The following NID2 variants were observed in gnomAD, a reference collection of about 807,000 sequenced individuals.
NID2 encodes nidogen 2.
In NID2, 83 loss-of-function variants were observed where a neutral mutation model predicts 145.4. The observed-to-expected ratio is 0.57, with a 90% CI of 0.48 to 0.69. NID2 has a LOEUF of 0.69. NID2 is among the 30% of genes least tolerant of loss of function. The pLI is 0.00. For missense variants in NID2, 1,807 were observed against 1,765.7 expected (o/e 1.02, Z -0.42); for synonymous variants, 739 against 701.3 (o/e 1.05, Z -0.85).
chr14:52,012,292 G>A (rs1180632675), intron 16 of NID2, among the ~76,000 whole-genome samples: 1 of 152,186 alleles, frequency 6.6e-6, no homozygotes, highest in African/African-American at 2.4e-5. Flanking sequence ...GAGGCAAGAT[G>A]TTGGTTATAT....
chr14:52,044,527 C>T (rs1031877332), intron 5 of NID2, among the ~76,000 whole-genome samples: 7 of 152,086 alleles, frequency 4.6e-5, no homozygotes, highest in Non-Finnish European at 1.0e-4. Context: ...GCCTCGGCCT[C>T]CCAAAGTGCT....
chr14:52,017,524 C>G (rs932632933), intron 14 of NID2, among the ~76,000 whole-genome samples: 18 of 151,850 alleles, frequency 1.2e-4, no homozygotes, highest in African/African-American at 4.4e-4. Context: ...TGGTTCCCCC[C>G]CCTTTAAAAT....
At chr14:52,040,627 G>A in intron 8 of NID2, 24 bp downstream of exon 8, 1 of 1,595,334 alleles carries the variant, frequency 6.3e-7, no homozygotes, top group Non-Finnish European at 8.6e-7. Flanking sequence ...CCATTTTACA[G>A]ATGTGAAGAC....
intron 9 of NID2, among the ~76,000 whole-genome samples, chr14:52,037,527 T>C (rs545961793): frequency 4.6e-5 from 7 of 152,352 alleles, no homozygotes; most frequent in African/African-American, 1.7e-4. Flanking sequence ...GATCTTTACA[T>C]GTATCCTTAC....
chr14:52,012,484 G>A (rs1891067722), intron 16 of NID2, among the ~76,000 whole-genome samples: 1 of 152,170 alleles, frequency 6.6e-6, no homozygotes, highest in Non-Finnish European at 1.5e-5. Flanking sequence ...TGTAGTCCCA[G>A]CTACTCAGGA....
chr14:52,038,694 ACT>A, intron 9 of NID2, 51 bp downstream of exon 9: 7 of 1,391,586 alleles, frequency 5.0e-6, no homozygotes, highest in Non-Finnish European at 6.9e-6. Context: ...AATCATTCTA[ACT>A]CTACTTAAAA....
chr14:52,036,453 C>T (rs896356280), intron 9 of NID2, among the ~76,000 whole-genome samples: 1 of 152,210 alleles, frequency 6.6e-6, no homozygotes. Context: ...ATTATGAATA[C>T]TGCCACTATG....
At chr14:52,008,086 G>C (rs775402250) in intron 18 of NID2, 119 bp from the exon 19 acceptor site, 13 of 761,768 alleles carry the variant, frequency 1.7e-5, no homozygotes, top group Non-Finnish European at 2.7e-5. Context: ...CAATCCCCTT[G>C]AGTTTGGGCT....
rs114383701 is a variant in NID2, at chr14:52,039,082, C to A, written c.2027-105G>T. ...TTTCATCTAATTCTTGGAGTGTGTT[C>A]CCTTGGGAACCTCCTGAGTTTATAT... On this transcript the variant is annotated intron_variant, in intron 8 of 21. Coordinates refer to ENST00000216286, the MANE Select transcript of NID2 (RefSeq NM_007361.4). 1.4e-3 allele frequency: 1,109 copies of A among 809,418 alleles called. 12 individuals are homozygous for A. In the African/African-American group the frequency reaches 0.016, roughly 12 times the overall value. The allele number at this position is 809,418 out of a possible 1,614,324, so 50.1% of individuals were successfully genotyped here.
intron 12 of NID2, among the ~76,000 whole-genome samples, chr14:52,025,641 G>C (rs1018085): frequency 0.97 from 147,754 of 152,280 alleles, 71,807 homozygotes; most frequent in Non-Finnish European, 1. Flanking sequence ...TCAGTAGAGG[G>C]CTGAGGTGGT....
rs376896789 is a variant in NID2 at position 52,054,130 on chromosome 14, A to T, written c.959T>A (p.Val320Glu). The T allele has an allele frequency of 6.2e-7, 1 of 1,613,948 alleles. No homozygotes were observed. Among genetic ancestry groups the T allele is most frequent in the Non-Finnish European group, 8.5e-7 (1 of 1,180,026 alleles). Reference protein sequence around the residue: ...YNEDNLDYYDVNEEEAEYLPG... With the variant: ...YNEDNLDYYDENEEEAEYLPG... ...AAGGTATTCAGCTTCCTCCTCATTC[A>T]CATCATAGTAATCCAAATTGTCCTC... The change falls in exon 4 of 22, where the codon GTG becomes GAG. Residue 320 changes from valine to glutamate, a missense_variant. Val to Glu is a moderately radical substitution (Grantham distance 121). Coordinates refer to ENST00000216286, the MANE Select transcript of NID2 (RefSeq NM_007361.4).
chr14:52,060,059 G>T, intron 3 of NID2, 65 bp downstream of exon 3: 1 of 1,176,610 alleles, frequency 8.5e-7, no homozygotes, highest in Non-Finnish European at 1.2e-6. Context: ...GGTCACTTGT[G>T]TTCAGGTACT....
chr14:52,064,423 C>T (rs538868583), intron 2 of NID2, among the ~76,000 whole-genome samples: 10 of 152,296 alleles, frequency 6.6e-5, no homozygotes, highest in East Asian at 5.8e-4. Context: ...TATCACATGG[C>T]GACAAAGCTG....
chr14:52,049,854 T>C (rs566702416), intron 5 of NID2, among the ~76,000 whole-genome samples: 1 of 152,200 alleles, frequency 6.6e-6, no homozygotes, highest in African/African-American at 2.4e-5. Context: ...TACCATGGAA[T>C]CTCCTCATAT....
chr14:52,053,617 T>C lies in NID2; in HGVS notation c.1391A>G (p.Glu464Gly), dbSNP rs1029753970. ...HTTPLSRGTY[E>G]VGLEDNIGSN... ...ACCTATGTTGTCTTCCAGTCCCACCTCATACGTCCCTCGACTTAAGGGTGT... is the reference window on the plus strand; with the variant it reads ...ACCTATGTTGTCTTCCAGTCCCACCCCATACGTCCCTCGACTTAAGGGTGT... Residue 464 changes from glutamate to glycine, a missense_variant, in exon 5 of 22, where the codon GAG becomes GGG. Transcript: ENST00000216286. The C allele has an allele frequency of 4.3e-6, 7 of 1,614,112 alleles. No homozygotes were observed. In the African/African-American group the frequency reaches 8.0e-5, roughly 18 times the overall value.
chr14:52,039,541 G>C (rs369715845), intron 8 of NID2, among the ~76,000 whole-genome samples: 37 of 152,366 alleles, frequency 2.4e-4, no homozygotes, highest in Admixed American at 5.9e-4. Context: ...GCTCAGGTCA[G>C]TGATCCGGAC....
intron 3 of NID2, among the ~76,000 whole-genome samples, chr14:52,056,973 T>C (rs1215522343): frequency 6.6e-6 from 1 of 152,180 alleles, no homozygotes; most frequent in African/African-American, 2.4e-5. Context: ...TTATGACCTT[T>C]GAGCTCACAG....
At chr14:52,056,955 T>C (rs1892866063) in intron 3 of NID2, among the ~76,000 whole-genome samples, 3 of 152,330 alleles carry the variant, frequency 2.0e-5, no homozygotes, top group African/African-American at 7.2e-5. Context: ...CATTATGAAC[T>C]ATATAATTTA....
intron 8 of NID2, among the ~76,000 whole-genome samples, chr14:52,039,535 A>T (rs1275531937): frequency 6.6e-6 from 1 of 152,236 alleles, no homozygotes; most frequent in African/African-American, 2.4e-5. Flanking sequence ...AGTCAAGCTC[A>T]GGTCAGTGAT....
Sources: gnomAD v4.1 joint callset for allele counts (sites outside exome capture counted in the v4.1 genomes callset) on GRCh38, gnomAD v4.1.1 for gene constraint, MANE v1.5 for transcripts, NCBI Gene and HGNC (gene_info 2026-07-23, HGNC 2026-07-21) for gene names.